The following CEP112 variants were observed in gnomAD, a reference collection of about 807,000 sequenced individuals.
The protein encoded by CEP112 is centrosomal protein 112, also known as centrosomal protein of 112 kDa.
Under a neutral mutation model 153.0 loss-of-function variants are expected in CEP112, and 127 were observed. The ratio of observed to expected loss-of-function variants is 0.83; its 90% CI spans 0.72 to 0.96. CEP112 has a LOEUF of 0.96. CEP112 is among the 40% of genes least tolerant of loss of function. The pLI is 0.00. For synonymous variants in CEP112, 358 were observed against 374.4 expected (o/e 0.96, Z 0.51); for missense variants, 1,089 against 1,101.2 (o/e 0.99, Z 0.16).
chr17:65,866,518 C>G (rs772539368), intron 20 of CEP112, among the ~76,000 whole-genome samples: 1 of 152,198 alleles, frequency 6.6e-6, no homozygotes, highest in Non-Finnish European at 1.5e-5. Context: ...AGCCTGGGAG[C>G]TGGGCTGCTG....
chr17:65,964,648 C>G (rs1227660772), intron 17 of CEP112, among the ~76,000 whole-genome samples: 1 of 152,028 alleles, frequency 6.6e-6, no homozygotes, highest in Non-Finnish European at 1.5e-5. Flanking sequence ...CTGGAATGTA[C>G]TATTTAAAGG....
In CEP112 at chr17:65,791,441, C is replaced by G. The variant is rs138364962; in HGVS notation, c.2395-40717G>C. Among the ~76,000 whole-genome samples, 1,131 of 152,264 alleles carry G rather than the reference C, an allele frequency of 7.4e-3. 13 individuals are homozygous for G. The highest frequency in any genetic ancestry group is 0.026 in the African/African-American group (1,076 of 41,542). ...ATAATCAGCTTTAGGTGAAGAACCA[C>G]TGTTCTAGCTAATGAGGACAAAACA... On this transcript the variant is annotated intron_variant, in intron 21 of 26. Coordinates refer to ENST00000535342, the MANE Select transcript of CEP112 (RefSeq NM_001199165.4).
chr17:66,132,097 A>G (rs926330852), intron 5 of CEP112, among the ~76,000 whole-genome samples: 3 of 134,288 alleles, frequency 2.2e-5, no homozygotes, highest in Non-Finnish European at 3.1e-5. Context: ...TGAACCCGGG[A>G]GGCGGAGGTT....
In CEP112 at chr17:66,088,734, T is replaced by G. The variant is rs530938164; in HGVS notation, c.768+7517A>C. Among the ~76,000 whole-genome samples, 104 of 152,134 alleles carry G rather than the reference T, an allele frequency of 6.8e-4. 1 individual carries two copies. In the Middle Eastern group the frequency reaches 0.017, roughly 25 times the overall value. On this transcript the variant is annotated intron_variant, in intron 8 of 26. Transcript: ENST00000535342. ...CTAGACCTGACTAACAGACCCAGGG[T>G]CCAGGCTCATCCCAATAAACTGTGG...
intron 12 of CEP112, among the ~76,000 whole-genome samples, chr17:66,053,189 AG>A (rs1219797920): frequency 2.0e-5 from 3 of 151,784 alleles, no homozygotes; most frequent in African/African-American, 4.8e-5. Context: ...AGATTTATAA[AG>A]GCTTCTGAGG....
intron 21 of CEP112, among the ~76,000 whole-genome samples, chr17:65,810,544 C>T (rs745863577): frequency 3.3e-5 from 5 of 151,984 alleles, no homozygotes; most frequent in Non-Finnish European, 5.9e-5. Flanking sequence ...TTATTGATAA[C>T]TAACCAGTTT....
chr17:65,930,507 G>T (rs1204114230), intron 18 of CEP112, among the ~76,000 whole-genome samples: 3 of 152,216 alleles, frequency 2.0e-5, no homozygotes, highest in Non-Finnish European at 4.4e-5. Flanking sequence ...GTATTTCTTT[G>T]TAAATACCAA....
At chr17:65,888,311 T>G (rs2059353724) in intron 20 of CEP112, among the ~76,000 whole-genome samples, 1 of 152,354 alleles carries the variant, frequency 6.6e-6, no homozygotes, top group East Asian at 1.9e-4. Flanking sequence ...ACAGGGCAGA[T>G]AGCCTTTATC....
chr17:65,815,070 A>C (rs1368142051), intron 21 of CEP112, among the ~76,000 whole-genome samples: 1 of 152,050 alleles, frequency 6.6e-6, no homozygotes, highest in Admixed American at 6.6e-5. Context: ...CATAGTTCAT[A>C]ATTTCTGAGT....
At chr17:65,661,126 C>T (rs1005007563) in intron 24 of CEP112, among the ~76,000 whole-genome samples, 3 of 152,134 alleles carry the variant, frequency 2.0e-5, no homozygotes, top group Admixed American at 2.0e-4. Flanking sequence ...CCCAAAAGTC[C>T]CATGTCATGT....
Position 66,151,019 on chromosome 17 carries a change from T to C in CEP112, c.471-18256A>G, listed in dbSNP as rs540350077. Among the ~76,000 whole-genome samples, 4 of 152,346 alleles carry C rather than the reference T, an allele frequency of 2.6e-5. 1 individual carries two copies. In the South Asian group the frequency reaches 8.3e-4, roughly 32 times the overall value. ...CAGTATAGCCATTCCAGCTTTTTTA[T>C]GCTTATTGTTTCCATGATACATCTC... On this transcript the variant is annotated intron_variant, in intron 4 of 26. Transcript: ENST00000535342.
At chr17:65,773,162 C>T (rs1027706118) in intron 21 of CEP112, among the ~76,000 whole-genome samples, 4 of 152,156 alleles carry the variant, frequency 2.6e-5, no homozygotes, top group Admixed American at 1.3e-4. Context: ...ACAGGAGTGA[C>T]GTGCAAAGGT....
intron 21 of CEP112, among the ~76,000 whole-genome samples, chr17:65,759,630 C>T (rs2052492875): frequency 6.6e-6 from 1 of 151,988 alleles, no homozygotes; most frequent in African/African-American, 2.4e-5. Flanking sequence ...AAGTAACTGC[C>T]ACAGTAAACA....
At position 65,721,642 on chromosome 17, in the gene CEP112, C is replaced by T. The variant is rs79174347; in HGVS notation, c.2607+21426G>A. The stretch of plus-strand genomic sequence containing the variant: ...CCTCTTAGAAAACAAATTCCTCAGG[C>T]TTCTTGCAAATAAATCTTGGCATAA... On this transcript the variant is annotated intron_variant, in intron 23 of 26. Transcript: ENST00000535342. Among the ~76,000 whole-genome samples the T allele has an allele frequency of 2.8e-4, 42 of 152,332 alleles. No homozygotes were observed. In the East Asian group the frequency reaches 6.6e-3, roughly 24 times the overall value.
At chr17:65,853,858 G>A (rs1313457515) in intron 20 of CEP112, among the ~76,000 whole-genome samples, 1 of 152,196 alleles carries the variant, frequency 6.6e-6, no homozygotes, top group South Asian at 2.1e-4. Flanking sequence ...TGTGGCCAAA[G>A]AATGTAGTCT....
At chr17:65,687,095 T>C (rs1359231508) in intron 24 of CEP112, among the ~76,000 whole-genome samples, 4 of 152,218 alleles carry the variant, frequency 2.6e-5, no homozygotes, top group Middle Eastern at 3.4e-3. Context: ...TGAACCAGTA[T>C]GTGTAACATT....
chr17:65,947,957 G>A (rs1445837579), intron 18 of CEP112, among the ~76,000 whole-genome samples: 1 of 152,166 alleles, frequency 6.6e-6, no homozygotes, highest in African/African-American at 2.4e-5. Flanking sequence ...AAAGGTCCAA[G>A]TCATAATGAA....
At chr17:66,103,111 G>C (rs1308204187) in intron 6 of CEP112, among the ~76,000 whole-genome samples, 1 of 152,010 alleles carries the variant, frequency 6.6e-6, no homozygotes, top group Non-Finnish European at 1.5e-5. Context: ...TGTAATCCCA[G>C]CTACTCGGAA....
At chr17:65,850,689 T>G (rs192829481) in intron 21 of CEP112, among the ~76,000 whole-genome samples, 1 of 152,254 alleles carries the variant, frequency 6.6e-6, no homozygotes, top group Non-Finnish European at 1.5e-5. Context: ...CCTCTACTCA[T>G]AGAGAGTCAA....
Sources: gnomAD v4.1 joint callset for allele counts (sites outside exome capture counted in the v4.1 genomes callset) on GRCh38, gnomAD v4.1.1 for gene constraint, MANE v1.5 for transcripts, NCBI Gene and HGNC (gene_info 2026-07-23, HGNC 2026-07-21) for gene names.